BACE2: variants seen among roughly 807,000 people sequenced by gnomAD.
The protein encoded by BACE2 is beta-secretase 2.
BACE2 carries 17 observed loss-of-function variants against 46.2 expected under a neutral mutation model. That is an observed-to-expected ratio of 0.37 (90% confidence interval 0.25 to 0.55). The LOEUF (loss-of-function observed/expected upper bound fraction) is 0.55, where lower values mean the gene tolerates loss of function less well. Among genes scored for constraint, BACE2 ranks in the 20% least tolerant of loss-of-function variants. The pLI, the probability that BACE2 is intolerant of heterozygous loss-of-function variation, is 0.82. For missense variants in BACE2, 595 were observed against 698.1 expected (o/e 0.85, Z 1.66); for synonymous variants, 277 against 295.9 (o/e 0.94, Z 0.66).
rs1442835201 is a variant in BACE2, at chr21:41,243,495, T to C, written c.867T>C (p.Asn289=). The change falls in exon 5 of 9, where the codon AAT becomes AAC. Residue 289 remains asparagine (N), a synonymous_variant. Coordinates refer to ENST00000330333, the MANE Select transcript of BACE2 (RefSeq NM_012105.5). ...LKLEIGGQSL[N]LDCREYNADK... ...TGGAAATTGGAGGCCAAAGCCTTAA[T>C]CTGGACTGCAGAGAGGTATTTATGC... 1.2e-6 allele frequency: 2 copies of C among 1,611,846 alleles called. No individual in the cohort carries two copies. The highest frequency in any genetic ancestry group is 1.7e-6 in the Non-Finnish European group (2 of 1,179,072).
At chr21:41,261,728 A>G (rs1987941552) in intron 8 of BACE2, among the ~76,000 whole-genome samples, 1 of 152,070 alleles carries the variant, frequency 6.6e-6, no homozygotes, top group African/African-American at 2.4e-5. Context: ...TTAGGAAATT[A>G]ATTTATATAA....
chr21:41,171,197 G>A (rs1447510221), intron 1 of BACE2, among the ~76,000 whole-genome samples: 1 of 152,186 alleles, frequency 6.6e-6, no homozygotes, highest in Non-Finnish European at 1.5e-5. Context: ...TGGACCCTCC[G>A]GAACTCCGTG....
At chr21:41,211,317 A>T (rs917471786) in intron 1 of BACE2, among the ~76,000 whole-genome samples, 7 of 152,146 alleles carry the variant, frequency 4.6e-5, no homozygotes, top group Non-Finnish European at 7.4e-5. Flanking sequence ...ACTCTCACAC[A>T]TGCACACACA....
chr21:41,260,456 T>A (rs1601317476), intron 8 of BACE2, among the ~76,000 whole-genome samples: 1 of 151,992 alleles, frequency 6.6e-6, no homozygotes, highest in African/African-American at 2.4e-5. Context: ...TCTTGTGGAG[T>A]TTCTTAGGGC....
At chr21:41,267,761 C>T (rs771820520) in intron 8 of BACE2, among the ~76,000 whole-genome samples, 40 of 152,046 alleles carry the variant, frequency 2.6e-4, no homozygotes, top group Non-Finnish European at 5.0e-4. Context: ...ACTGAGGGCC[C>T]CAGATTTTCC....
At chr21:41,203,879 C>G (rs377528791) in intron 1 of BACE2, among the ~76,000 whole-genome samples, 1 of 152,136 alleles carries the variant, frequency 6.6e-6, no homozygotes, top group Non-Finnish European at 1.5e-5. Context: ...GCAGGTCAGC[C>G]GTGGCTGGAG....
intron 1 of BACE2, among the ~76,000 whole-genome samples, chr21:41,188,929 G>C (rs1342317956): frequency 6.6e-6 from 1 of 152,180 alleles, no homozygotes; most frequent in African/African-American, 2.4e-5. Flanking sequence ...TGGTTCCTTA[G>C]CCCTGTAATT....
At chr21:41,211,183 C>T (rs1390998467) in intron 1 of BACE2, among the ~76,000 whole-genome samples, 2 of 151,686 alleles carry the variant, frequency 1.3e-5, no homozygotes, top group South Asian at 2.1e-4. Context: ...CATCCCTCTC[C>T]CCCCTTCACT....
intron 2 of BACE2, among the ~76,000 whole-genome samples, chr21:41,232,335 A>G (rs553558078): frequency 2.0e-5 from 3 of 152,268 alleles, no homozygotes; most frequent in African/African-American, 7.2e-5. Flanking sequence ...CACCCCACAC[A>G]CACTTGCTCC....
chr21:41,276,558 A>T lies in BACE2; in HGVS notation c.*934A>T, dbSNP rs2088492175. 1 of 152,244 alleles carries T rather than the reference A, an allele frequency of 6.6e-6. No individual in the cohort carries two copies. Among genetic ancestry groups the T allele is most frequent in the Admixed American group, 6.5e-5 (1 of 15,292 alleles). 9.4% of individuals were successfully genotyped at this position (152,244 alleles called of 1,614,324 possible). A position where few individuals can be genotyped will look rare whatever the true frequency, so the allele number is the denominator to read the frequency against. ...TATCACATATGCTTACTCTTGCTTAAAATTAATAAATCATGTTTTGATGAG... is the reference window on the plus strand; with the variant it reads ...TATCACATATGCTTACTCTTGCTTATAATTAATAAATCATGTTTTGATGAG... On this transcript the variant is annotated 3_prime_UTR_variant, in exon 9 of 9. Transcript: ENST00000330333.
intron 1 of BACE2, chr21:41,181,238 A>T (rs1985110279): frequency 6.0e-6 from 1 of 167,074 alleles, no homozygotes; most frequent in Non-Finnish European, 1.5e-5. Flanking sequence ...ACAGGGTGTG[A>T]CTTCTTCCCA....
intron 6 of BACE2, 64 bp downstream of exon 6, chr21:41,246,127 G>A: frequency 7.7e-7 from 1 of 1,295,912 alleles, no homozygotes; most frequent in Admixed American, 2.1e-5. Context: ...CTGAGGAGCA[G>A]CACTGCGTGT....
At position 41,193,513 on chromosome 21, in the gene BACE2, T is replaced by TG. The variant is rs1985643828; in HGVS notation, c.312+24940dup. 6.6e-6 allele frequency among the ~76,000 whole-genome samples: 1 copy of TG among 152,234 alleles called. No individual in the cohort carries two copies. The highest frequency in any genetic ancestry group is 1.5e-5 in the Non-Finnish European group (1 of 68,050). The stretch of plus-strand genomic sequence containing the variant: ...ACCCCTGCATCCTTCAAGTCCTTGA[T>TG]GGTGGCACTAATCTCCACAATCCCT... On this transcript the variant is annotated intron_variant, in intron 1 of 8. Coordinates refer to ENST00000330333, the MANE Select transcript of BACE2 (RefSeq NM_012105.5). The surrounding 1 kb of genome is among the most constrained non-coding windows in gnomAD (Gnocchi z 4.2).
chr21:41,275,814 A>C lies in BACE2; in HGVS notation c.*190A>C. 3 of 698,206 alleles carry C rather than the reference A, an allele frequency of 4.3e-6. No homozygotes were observed. Among genetic ancestry groups the C allele is most frequent in the Non-Finnish European group, 2.3e-6 (1 of 436,678 alleles). The allele number at this position is 698,206 out of a possible 1,614,324, so 43.3% of individuals were successfully genotyped here. A position where few individuals can be genotyped will look rare whatever the true frequency, so the allele number is the denominator to read the frequency against. ...ATTTTCAAGCTTTCAAATCCTCCCT[A>C]CTTCCAAGAAAAATAATTAAAAAAA... On this transcript the variant is annotated 3_prime_UTR_variant, in exon 9 of 9. Transcript: ENST00000330333.
chr21:41,217,601 C>T (rs76880931), intron 1 of BACE2, among the ~76,000 whole-genome samples: 2,063 of 152,270 alleles, frequency 0.014, 25 homozygotes, highest in Non-Finnish European at 0.02. Flanking sequence ...CTGGTTGAGC[C>T]TCGGTGCTTT....
At chr21:41,266,232 T>A (rs1489259331) in intron 8 of BACE2, among the ~76,000 whole-genome samples, 1 of 152,176 alleles carries the variant, frequency 6.6e-6, no homozygotes, top group Non-Finnish European at 1.5e-5. Flanking sequence ...CTTTAATGGG[T>A]TTTTAGTCAC....
chr21:41,274,606 C>T (rs971564242), intron 8 of BACE2, among the ~76,000 whole-genome samples: 7 of 152,148 alleles, frequency 4.6e-5, no homozygotes, highest in South Asian at 2.1e-4. Flanking sequence ...ATCCACAAAC[C>T]GGCTTTAAGA....
chr21:41,188,830 A>G (rs73222248), intron 1 of BACE2, among the ~76,000 whole-genome samples: 2,647 of 152,264 alleles, frequency 0.017, 57 homozygotes, highest in East Asian at 0.11. Flanking sequence ...CTCAACTTCA[A>G]CCTTAAGCCT....
At chr21:41,205,175 AC>A (rs1255752152) in intron 1 of BACE2, among the ~76,000 whole-genome samples, 1 of 152,240 alleles carries the variant, frequency 6.6e-6, no homozygotes, top group Non-Finnish European at 1.5e-5. Flanking sequence ...AAGCTAGGTC[AC>A]AGCATTCCAC....
Sources: allele counts gnomAD v4.1 joint callset (sites outside exome capture counted in the v4.1 genomes callset), GRCh38; gene constraint gnomAD v4.1.1; non-coding constraint Gnocchi (gnomAD v3.1); transcripts MANE v1.5; gene names NCBI Gene and HGNC (gene_info 2026-07-23, HGNC 2026-07-21).